RIOK1: variants seen among roughly 807,000 people sequenced by gnomAD.
RIOK1 encodes serine/threonine-protein kinase RIO1.
Under a neutral mutation model 73.5 loss-of-function variants are expected in RIOK1, and 66 were observed. The ratio of observed to expected loss-of-function variants is 0.90; its 90% CI spans 0.74 to 1.10. The LOEUF (loss-of-function observed/expected upper bound fraction) is 1.10, where lower values mean the gene tolerates loss of function less well. Among genes scored for constraint, RIOK1 ranks in the 50% least tolerant of loss-of-function variants. The pLI is 0.00. For missense variants in RIOK1, 658 were observed against 699.8 expected, an observed-to-expected ratio of 0.94 and a Z score of 0.67; for synonymous variants, 224 against 226.8, an observed-to-expected ratio of 0.99 and a Z score of 0.11.
chr6:7,409,821 G>A (rs927980692), intron 12 of RIOK1, among the ~76,000 whole-genome samples: 1 of 147,548 alleles, frequency 6.8e-6, no homozygotes, highest in Non-Finnish European at 1.5e-5. Flanking sequence ...AAAAACCTCT[G>A]CTCCCACTAT....
Position 7,390,323 on chromosome 6 carries a change from A to G in RIOK1, c.71+250A>G, listed in dbSNP as rs540640137. ...GTCGGTTAGCGTCACTGGGAGGCAG[A>G]GTTGGGGATAGCGATTAGGAAACAT... On this transcript the variant is annotated intron_variant, in intron 1 of 16. Coordinates refer to ENST00000379834, the MANE Select transcript of RIOK1 (RefSeq NM_031480.3). Among the ~76,000 whole-genome samples, 3 of 152,308 alleles carry G rather than the reference A, an allele frequency of 2.0e-5. No individual in the cohort carries two copies. The East Asian group carries it at 5.8e-4, about 29-fold the overall frequency.
Position 7,390,008 on chromosome 6 carries a change from C to G in RIOK1, c.6C>G (p.Asp2Glu). 1 of 1,552,690 alleles carries G rather than the reference C, an allele frequency of 6.4e-7. No individual in the cohort carries two copies. The highest frequency in any genetic ancestry group is 8.7e-7 in the Non-Finnish European group (1 of 1,148,116). ...TCCGGCGGCGCTCTCCAGTCATGGA[C>G]TACCGGCGGCTTCTCATGAGCCGGG... is the stretch of plus-strand genomic sequence containing the variant. M[D>E]YRRLLMSRVV... Residue 2 changes from aspartate to glutamate, a missense_variant, in exon 1 of 17, where the codon GAC becomes GAG. Physicochemically the swap from Asp to Glu is conservative, Grantham distance 45 (BLOSUM62 2). Coordinates refer to ENST00000379834, the MANE Select transcript of RIOK1 (RefSeq NM_031480.3).
chr6:7,398,599 ACC>A (rs1761537970), intron 4 of RIOK1, 97 bp from the exon 5 acceptor site: 11 of 842,702 alleles, frequency 1.3e-5, no homozygotes, highest in Non-Finnish European at 2.0e-5. Context: ...TAGAGAAACT[ACC>A]TACTTAGGAA....
intron 16 of RIOK1, among the ~76,000 whole-genome samples, chr6:7,415,272 T>G (rs1361304178): frequency 2.6e-5 from 4 of 152,134 alleles, no homozygotes; most frequent in African/African-American, 7.2e-5. Context: ...ACATTGGTGA[T>G]GAGCACCTGT....
chr6:7,405,794 T>C (rs938253138), intron 12 of RIOK1, among the ~76,000 whole-genome samples: 2 of 149,526 alleles, frequency 1.3e-5, no homozygotes, highest in Admixed American at 6.6e-5. Context: ...TTTTTTCCTT[T>C]TTTTTTTTTT....
intron 12 of RIOK1, 123 bp from the exon 13 acceptor site, chr6:7,410,263 C>T: frequency 1.5e-6 from 1 of 671,932 alleles, no homozygotes; most frequent in South Asian, 1.8e-5. Flanking sequence ...TCACTAAATG[C>T]TTTCCTAAGT....
intron 12 of RIOK1, among the ~76,000 whole-genome samples, chr6:7,408,128 CT>C (rs989928454): frequency 1.3e-5 from 2 of 152,224 alleles, no homozygotes; most frequent in African/African-American, 4.8e-5. Flanking sequence ...CCTCCACCTC[CT>C]GGATTCAAGT....
rs1761717145 is a variant in RIOK1, at chr6:7,405,286, G to A, written c.1134G>A (p.Val378=). ...GGCACAGTGTTGCTGTCATGACTGT[G>A]CGGGAGCTCTTTGAATTTGTCACAG... ...FMRHSVAVMT[V]RELFEFVTDP... Residue 378 remains valine, a synonymous_variant, in exon 12 of 17, where the codon GTG becomes GTA. Coordinates refer to ENST00000379834, the MANE Select transcript of RIOK1 (RefSeq NM_031480.3). The A allele has an allele frequency of 6.2e-7, 1 of 1,613,474 alleles. No homozygotes were observed. Among genetic ancestry groups the A allele is most frequent in the Non-Finnish European group, 8.5e-7 (1 of 1,179,522 alleles).
At position 7,410,425 on chromosome 6, in the gene RIOK1, T is replaced by TC; in HGVS notation, c.1244dup (p.Ser416Ter). The TC allele has an allele frequency of 6.2e-7, 1 of 1,612,748 alleles. No homozygotes were observed. Among genetic ancestry groups the TC allele is most frequent in the Non-Finnish European group, 8.5e-7 (1 of 1,178,852 alleles). ...ATCTCAAAGGACCAAGGAAGAACGG[T>TC]CTAGCCAAGATCATGTGGATGAAGA... On this transcript the variant is annotated frameshift_variant, in exon 13 of 17. Coordinates refer to ENST00000379834, the MANE Select transcript of RIOK1 (RefSeq NM_031480.3). LOFTEE classifies it high-confidence loss of function.
rs1761879010 is a variant in RIOK1, at chr6:7,411,372, T to G, written c.1310T>G (p.Val437Gly). ...TATATTCCTAGAACCTTGAATGAAG[T>G]GAAAAATTATGAGAGGGATATGGAC... ...RAYIPRTLNE[V>G]KNYERDMDII... is the part of the protein sequence containing the mutation. The change falls in exon 14 of 17, where the codon GTG (valine) becomes GGG (glycine). Residue 437 changes from valine to glycine, a missense_variant. Val to Gly is a moderately radical substitution (Grantham distance 109). Coordinates refer to ENST00000379834, the MANE Select transcript of RIOK1 (RefSeq NM_031480.3). The G allele has an allele frequency of 1.2e-6, 2 of 1,613,958 alleles. No homozygotes were observed. Among genetic ancestry groups the G allele is most frequent in the Non-Finnish European group, 1.7e-6 (2 of 1,179,898 alleles).
At chr6:7,410,038 C>G (rs1181000862) in intron 12 of RIOK1, among the ~76,000 whole-genome samples, 1 of 152,168 alleles carries the variant, frequency 6.6e-6, no homozygotes, top group South Asian at 2.1e-4. Flanking sequence ...ATGGTTCTTT[C>G]ATTCTTTAGG....
chr6:7,396,744 G>T lies in RIOK1; in HGVS notation c.409G>T (p.Glu137Ter). ...TGATTCCGTCATAAATAAAGTCACCGAAAAGTCTAGACAAAAGGAAGCAGA... is the reference window on the plus strand; with the variant it reads ...TGATTCCGTCATAAATAAAGTCACCTAAAAGTCTAGACAAAAGGAAGCAGA... ...VTDSVINKVT[E>*]KSRQKEADMY... Residue 137 changes from glutamate to a stop codon, truncating the protein, a stop_gained, in exon 4 of 17, where the codon GAA becomes TAA. Coordinates refer to ENST00000379834, the MANE Select transcript of RIOK1 (RefSeq NM_031480.3). LOFTEE classifies it high-confidence loss of function. The T allele has an allele frequency of 6.3e-7, 1 of 1,599,100 alleles. No individual in the cohort carries two copies. The highest frequency in any genetic ancestry group is 1.1e-5 in the South Asian group (1 of 90,016).
chr6:7,392,547 A>G (rs1761366833), intron 1 of RIOK1, among the ~76,000 whole-genome samples: 1 of 147,686 alleles, frequency 6.8e-6, no homozygotes, highest in African/African-American at 2.5e-5. Context: ...AATTTTTTTT[A>G]GAGACAGGGT....
rs753505208 is a variant in RIOK1 at position 7,417,693 on chromosome 6, A to G, written c.*252A>G. 3.2e-5 allele frequency: 8 copies of G among 248,178 alleles called. No homozygotes were observed. The highest frequency in any genetic ancestry group is 4.5e-5 in the African/African-American group (2 of 44,692). 15.4% of individuals were successfully genotyped at this position (248,178 alleles called of 1,614,324 possible). On this transcript the variant is annotated 3_prime_UTR_variant, in exon 17 of 17. Coordinates refer to ENST00000379834, the MANE Select transcript of RIOK1 (RefSeq NM_031480.3). ...CTATTATTTTAATAAAGAACTTTGT[A>G]CATTTTTATTTTTATATTTTTTTCT...
intron 4 of RIOK1, 140 bp from the exon 5 acceptor site, chr6:7,398,558 A>G (rs1761536568): frequency 1.6e-6 from 1 of 638,014 alleles, no homozygotes; most frequent in African/African-American, 1.9e-5. Context: ...AGTAATGAAA[A>G]ATCTACAATC....
rs1761538080 is a variant in RIOK1 at position 7,398,602 on chromosome 6, T to C, written c.438-96T>C. 3 of 883,930 alleles carry C rather than the reference T, an allele frequency of 3.4e-6. No homozygotes were observed. In the Admixed American group the frequency reaches 6.3e-5, roughly 19 times the overall value. The allele number at this position is 883,930 out of a possible 1,614,324, so 54.8% of individuals were successfully genotyped here. On this transcript the variant is annotated intron_variant, in intron 4 of 16. Coordinates refer to ENST00000379834, the MANE Select transcript of RIOK1 (RefSeq NM_031480.3). Reference sequence around the variant, plus strand: ...AAATCTGTTATTTAGAGAAACTACCTACTTAGGAATTTTCATGAAATTATC... The same window carrying C: ...AAATCTGTTATTTAGAGAAACTACCCACTTAGGAATTTTCATGAAATTATC...
intron 15 of RIOK1, among the ~76,000 whole-genome samples, chr6:7,413,362 CTGCTG>C (rs2113530336): frequency 1.3e-5 from 2 of 152,330 alleles, no homozygotes; most frequent in East Asian, 3.9e-4. Context: ...TCAGCAAGTC[CTGCTG>C]TGCTGGATTC....
chr6:7,393,197 A>G lies in RIOK1; in HGVS notation c.170A>G (p.Asp57Gly). The change falls in exon 2 of 17, where the codon GAT (aspartate) becomes GGT (glycine). Residue 57 changes from aspartate (D) to glycine (G), a missense_variant. Asp to Gly is a moderately conservative substitution (Grantham distance 94, BLOSUM62 -1). Transcript: ENST00000379834. ...VNENGEGEIE[D>G]EEEEGYDDDD... ...GAGAATGGTGAAGGTGAAATAGAAG[A>G]TGAGGAGGAGGAGGGTTATGACGAT... 1 of 1,613,134 alleles carries G rather than the reference A, an allele frequency of 6.2e-7. No individual in the cohort carries two copies. The highest frequency in any genetic ancestry group is 1.1e-5 in the South Asian group (1 of 91,074).
At chr6:7,405,860 G>A (rs1761733082) in intron 12 of RIOK1, among the ~76,000 whole-genome samples, 1 of 146,056 alleles carries the variant, frequency 6.8e-6, no homozygotes, top group Admixed American at 7.1e-5. Context: ...TATCTGGCAA[G>A]ATTACATAGA....
Sources: gnomAD v4.1 joint callset for allele counts (sites outside exome capture counted in the v4.1 genomes callset) on GRCh38, gnomAD v4.1.1 for gene constraint, MANE v1.5 for transcripts, NCBI Gene and HGNC (gene_info 2026-07-23, HGNC 2026-07-21) for gene names.